EXOC4: variants seen among roughly 807,000 people sequenced by gnomAD.
EXOC4 encodes the protein SEC8-like 1.
In EXOC4, 71 loss-of-function variants were observed where a neutral mutation model predicts 107.2. The observed-to-expected ratio is 0.66, with a 90% CI of 0.55 to 0.81. The LOEUF is 0.81. Among genes scored for constraint, EXOC4 ranks in the 30% least tolerant of loss-of-function variants. The pLI is 0.00. For synonymous variants in EXOC4, 456 were observed against 441.2 expected (o/e 1.03, Z -0.42); for missense variants, 1,108 against 1,189.6 (o/e 0.93, Z 1.01).
downstream of EXOC4, among the ~76,000 whole-genome samples, chr7:134,070,175 A>G (rs190420155): frequency 1.3e-5 from 2 of 152,370 alleles, no homozygotes; most frequent in Admixed American, 6.5e-5. Context: ...ACAAGAAAAC[A>G]TAAAGAATCA....
intron 9 of EXOC4, among the ~76,000 whole-genome samples, chr7:133,518,936 G>A (rs1799931037): frequency 6.6e-6 from 1 of 152,006 alleles, no homozygotes; most frequent in Non-Finnish European, 1.5e-5. Flanking sequence ...CACCATGAAT[G>A]TACTTAATAC....
chr7:133,359,551 A>G, intron 6 of EXOC4, among the ~76,000 whole-genome samples: 1 of 152,186 alleles, frequency 6.6e-6, no homozygotes, highest in East Asian at 1.9e-4. Context: ...GTTTCCCAAC[A>G]TGAAAATTTT....
intron 7 of EXOC4, among the ~76,000 whole-genome samples, chr7:133,465,013 C>T (rs1798694185): frequency 6.6e-6 from 1 of 151,258 alleles, no homozygotes; most frequent in Admixed American, 6.6e-5. Flanking sequence ...GAGACACGGC[C>T]TCACTGCTGT....
At chr7:133,293,022 A>G (rs1794441773) in intron 3 of EXOC4, among the ~76,000 whole-genome samples, 2 of 152,222 alleles carry the variant, frequency 1.3e-5, no homozygotes, top group Non-Finnish European at 2.9e-5. Flanking sequence ...CAATGATAAC[A>G]ATAGCTAATA....
chr7:133,288,953 TG>T lies in EXOC4; in HGVS notation c.309del (p.Leu104CysfsTer22). 6.2e-7 allele frequency: 1 copy of T among 1,614,204 alleles called. No individual in the cohort carries two copies. The highest frequency in any genetic ancestry group is 8.5e-7 in the Non-Finnish European group (1 of 1,180,004). The stretch of plus-strand genomic sequence containing the variant: ...GAGAACCTGCTTTCATGCAAGATGC[TG>T]CTGCACTGCAAACGGGATGAGCTTC... ...VKENLLSCKM[L>X]LHCKRDELRK... On this transcript the variant is annotated frameshift_variant, in exon 3 of 18. Coordinates refer to ENST00000253861, the MANE Select transcript of EXOC4 (RefSeq NM_021807.4). LOFTEE classifies it high-confidence loss of function.
chr7:134,015,302 T>G lies in EXOC4; in HGVS notation c.2687+7467T>G, dbSNP rs904098905. Among the ~76,000 whole-genome samples, 12 of 152,356 alleles carry G rather than the reference T, an allele frequency of 7.9e-5. No homozygotes were observed. The East Asian group carries it at 2.3e-3, about 29-fold the overall frequency. Reference sequence around the variant, plus strand: ...TTATTTGTTCCTCACCTGTCTACACTGAATAGAATGTAAGCTCCATAAGCA... The same window carrying G: ...TTATTTGTTCCTCACCTGTCTACACGGAATAGAATGTAAGCTCCATAAGCA... On this transcript the variant is annotated intron_variant, in intron 17 of 17. Transcript: ENST00000253861.
At chr7:133,525,083 A>C (rs1800054697) in intron 9 of EXOC4, among the ~76,000 whole-genome samples, 1 of 152,164 alleles carries the variant, frequency 6.6e-6, no homozygotes, top group Non-Finnish European at 1.5e-5. Flanking sequence ...GCTTTCTTGA[A>C]TTGTCTACCA....
At chr7:133,941,141 GT>G (rs1800418244) in intron 14 of EXOC4, among the ~76,000 whole-genome samples, 1 of 151,744 alleles carries the variant, frequency 6.6e-6, no homozygotes, top group Admixed American at 6.6e-5. Flanking sequence ...AGGATTACAG[GT>G]GCCCACCACC....
Position 133,977,071 on chromosome 7 carries a change from A to G in EXOC4, c.2207-20421A>G, listed in dbSNP as rs141857009. 7.2e-3 allele frequency among the ~76,000 whole-genome samples: 1,094 copies of G among 152,334 alleles called. 11 individuals are homozygous for G. Among genetic ancestry groups the G allele is most frequent in the Middle Eastern group, 0.01 (3 of 294 alleles). On this transcript the variant is annotated intron_variant, in intron 14 of 17. Transcript: ENST00000253861. The stretch of plus-strand genomic sequence containing the variant: ...CTGTGGAGCCCAGAAATTGTAACAC[A>G]CTGAGTGTGCTCATGGGCATGGACT...
At chr7:133,749,322 T>G (rs1317585322) in intron 10 of EXOC4, among the ~76,000 whole-genome samples, 1 of 152,176 alleles carries the variant, frequency 6.6e-6, no homozygotes, top group Admixed American at 6.5e-5. Flanking sequence ...TGGGTCCTGA[T>G]GGATGGTGGC....
At chr7:133,920,842 T>G (rs1799921584) in intron 13 of EXOC4, among the ~76,000 whole-genome samples, 1 of 152,246 alleles carries the variant, frequency 6.6e-6, no homozygotes, top group Non-Finnish European at 1.5e-5. Context: ...AAGACAGATC[T>G]ACTGGCAGCA....
intron 9 of EXOC4, among the ~76,000 whole-genome samples, chr7:133,491,654 A>C: frequency 6.6e-6 from 1 of 152,200 alleles, no homozygotes; most frequent in East Asian, 1.9e-4. Flanking sequence ...TGTTCCTGGA[A>C]CATTTTCTGC....
intron 17 of EXOC4, among the ~76,000 whole-genome samples, chr7:134,042,454 T>C (rs1795541402): frequency 6.6e-6 from 1 of 150,658 alleles, no homozygotes; most frequent in Non-Finnish European, 1.5e-5. Context: ...TCATTGCAGA[T>C]TGAGTGACAC....
chr7:133,640,517 C>T (rs539997719), intron 10 of EXOC4, among the ~76,000 whole-genome samples: 1 of 152,246 alleles, frequency 6.6e-6, no homozygotes, highest in Admixed American at 6.5e-5. Flanking sequence ...AACAGCTTTC[C>T]AAGAAATCTT....
At chr7:133,756,734 CTT>C (rs1554397334) in intron 10 of EXOC4, among the ~76,000 whole-genome samples, 1 of 152,172 alleles carries the variant, frequency 6.6e-6, no homozygotes, top group Non-Finnish European at 1.5e-5. Context: ...AGGTGGGAGA[CTT>C]TATGTGGCTT....
intron 7 of EXOC4, among the ~76,000 whole-genome samples, chr7:133,388,374 G>A (rs1796775252): frequency 6.6e-6 from 1 of 152,082 alleles, no homozygotes; most frequent in African/African-American, 2.4e-5. Flanking sequence ...AATTGGCCGG[G>A]TATGGTGGCT....
At chr7:133,813,583 G>A (rs191697958) in intron 10 of EXOC4, among the ~76,000 whole-genome samples, 8 of 152,248 alleles carry the variant, frequency 5.3e-5, no homozygotes, top group Admixed American at 3.3e-4. Flanking sequence ...GGTCATCGCA[G>A]CAGGATGTGG....
chr7:134,081,097 C>T, the EXOC4 span, among the ~76,000 whole-genome samples: 2 of 152,098 alleles, frequency 1.3e-5, no homozygotes, highest in African/African-American at 2.4e-5. Flanking sequence ...AATCCTAGCA[C>T]TTTGGGAGGC....
chr7:133,895,849 A>G (rs2116520375), intron 12 of EXOC4, 114 bp downstream of exon 12: 8 of 1,151,772 alleles, frequency 6.9e-6, no homozygotes, highest in Non-Finnish European at 9.9e-6. Flanking sequence ...GAGTTTGTCA[A>G]GAGATGAGAA....
Sources: gnomAD v4.1 joint callset for allele counts (sites outside exome capture counted in the v4.1 genomes callset) on GRCh38, gnomAD v4.1.1 for gene constraint, MANE v1.5 for transcripts, NCBI Gene and HGNC (gene_info 2026-07-23, HGNC 2026-07-21) for gene names.